Variants in SHROOM3 observed in about 807,000 individuals in gnomAD.
The protein encoded by SHROOM3 is shroom family member 3.
SHROOM3 carries 47 observed loss-of-function variants against 138.6 expected under a neutral mutation model. The observed-to-expected ratio is 0.34, with a 90% confidence interval of 0.27 to 0.43. The LOEUF (loss-of-function observed/expected upper bound fraction) is 0.43. Among genes scored for constraint, SHROOM3 ranks in the 20% least tolerant of loss-of-function variants. The pLI, the probability that SHROOM3 is intolerant of heterozygous loss-of-function variation, is 1.00. For synonymous variants in SHROOM3, 1,062 were observed against 1,063.3 expected, an observed-to-expected ratio of 1.00 and a Z score of 0.02; for missense variants, 2,491 against 2,596.5, an observed-to-expected ratio of 0.96 and a Z score of 0.88.
chr4:76,765,701 G>A (rs1043053218), intron 9 of SHROOM3, among the ~76,000 whole-genome samples: 5 of 152,032 alleles, frequency 3.3e-5, no homozygotes, highest in East Asian at 3.8e-4. Flanking sequence ...TAATATGAGC[G>A]GTGTGTCATC....
At chr4:76,502,761 T>C (rs1334066856) in intron 1 of SHROOM3, among the ~76,000 whole-genome samples, 1 of 152,274 alleles carries the variant, frequency 6.6e-6, no homozygotes, top group East Asian at 1.9e-4. Context: ...AAAAGCTTTC[T>C]GGTTTTATCT....
At chr4:76,748,874 A>G in intron 5 of SHROOM3, 143 bp from the exon 6 acceptor site, 1 of 594,416 alleles carries the variant, frequency 1.7e-6, no homozygotes, top group Non-Finnish European at 3.2e-6. Context: ...ATGCCATGGG[A>G]TTATGTAAGA....
chr4:76,599,173 G>A (rs914987008), intron 2 of SHROOM3, among the ~76,000 whole-genome samples: 2 of 152,148 alleles, frequency 1.3e-5, no homozygotes, highest in African/African-American at 4.8e-5. Flanking sequence ...CTTTGCCATA[G>A]TGTGTGCTGA....
intron 2 of SHROOM3, among the ~76,000 whole-genome samples, chr4:76,670,284 T>A (rs1220242528): frequency 6.6e-6 from 1 of 152,188 alleles, no homozygotes; most frequent in East Asian, 1.9e-4. Flanking sequence ...TATTGAAACA[T>A]GCTACAACAC....
chr4:76,591,265 C>A (rs1734268212), intron 2 of SHROOM3, among the ~76,000 whole-genome samples: 1 of 152,204 alleles, frequency 6.6e-6, no homozygotes, highest in African/African-American at 2.4e-5. Context: ...ATCTGCAAAT[C>A]TGATTCCTGC....
At position 76,555,768 on chromosome 4, in the gene SHROOM3, G is replaced by A. The variant is rs1733472210; in HGVS notation, c.323+5G>A. 1 of 1,611,586 alleles carries A rather than the reference G, an allele frequency of 6.2e-7. No homozygotes were observed. Among genetic ancestry groups the A allele is most frequent in the Non-Finnish European group, 8.5e-7 (1 of 1,179,892 alleles). On this transcript the variant is annotated splice_donor_5th_base_variant and intron_variant, in intron 2 of 10. Coordinates refer to ENST00000296043, the MANE Select transcript of SHROOM3 (RefSeq NM_020859.4). Reference sequence around the variant, plus strand: ...CCTCAGGCTGGTAGTGCGCAGGTAGGTGGCAGACCCCCACCCTGTCCCTCC... The same window carrying A: ...CCTCAGGCTGGTAGTGCGCAGGTAGATGGCAGACCCCCACCCTGTCCCTCC...
intron 2 of SHROOM3, among the ~76,000 whole-genome samples, chr4:76,633,301 C>G (rs2110074558): frequency 6.9e-6 from 1 of 144,194 alleles, no homozygotes; most frequent in Admixed American, 7.1e-5. Flanking sequence ...ACACTGCACT[C>G]CAGCCTGGGG....
intron 1 of SHROOM3, among the ~76,000 whole-genome samples, chr4:76,451,900 G>A (rs1730934188): frequency 6.6e-6 from 1 of 152,160 alleles, no homozygotes; most frequent in South Asian, 2.1e-4. Context: ...GTTATTCCCA[G>A]GCACAATAAT....
rs749513067 is a variant in SHROOM3, at chr4:76,740,880, G to A, written c.2707G>A (p.Glu903Lys). The A allele has an allele frequency of 9.1e-6, 14 of 1,535,912 alleles. No homozygotes were observed. The highest frequency in any genetic ancestry group is 1.3e-5 in the South Asian group (1 of 77,624). The change falls in exon 5 of 11, where the codon GAG becomes AAG. Residue 903 changes from glutamate (E) to lysine (K), a missense_variant. Transcript: ENST00000296043. The surrounding 1 kb of genome is among the most constrained non-coding windows in gnomAD (Gnocchi z 4.0). ...QLSSEPEREP[E>K]WRDRPGSPES... Reference sequence around the variant, plus strand: ...CTCCAGCGAGCCAGAGAGGGAGCCCGAGTGGCGGGACAGGCCCGGCTCGCC... The same window carrying A: ...CTCCAGCGAGCCAGAGAGGGAGCCCAAGTGGCGGGACAGGCCCGGCTCGCC...
At chr4:76,755,357 C>T (rs899430222) in intron 7 of SHROOM3, among the ~76,000 whole-genome samples, 165 bp downstream of exon 7, 1 of 152,124 alleles carries the variant, frequency 6.6e-6, no homozygotes. Context: ...GTAGTTGGAC[C>T]AGTGTCATTG....
chr4:76,454,547 C>T (rs953543597), intron 1 of SHROOM3, among the ~76,000 whole-genome samples: 4 of 152,206 alleles, frequency 2.6e-5, no homozygotes, highest in African/African-American at 9.6e-5. Flanking sequence ...CGTTATAACA[C>T]TGTTTTGATT....
intron 9 of SHROOM3, among the ~76,000 whole-genome samples, chr4:76,767,072 T>A (rs748114275): frequency 6.6e-6 from 1 of 152,192 alleles, no homozygotes; most frequent in African/African-American, 2.4e-5. Context: ...CTGATGTCTC[T>A]GAAAACCAAA....
intron 1 of SHROOM3, among the ~76,000 whole-genome samples, 178 bp downstream of exon 1, chr4:76,436,398 G>A (rs1490562074): frequency 1.3e-5 from 2 of 152,016 alleles, no homozygotes; most frequent in Non-Finnish European, 2.9e-5. Flanking sequence ...AATGTGTCTA[G>A]CTCATTTATT....
chr4:76,608,331 T>G (rs1734666303), intron 2 of SHROOM3, among the ~76,000 whole-genome samples: 1 of 152,132 alleles, frequency 6.6e-6, no homozygotes, highest in African/African-American at 2.4e-5. Context: ...ACTACCATTT[T>G]CCCCATTACC....
chr4:76,471,954 T>C (rs1443332276), intron 1 of SHROOM3, among the ~76,000 whole-genome samples: 1 of 152,166 alleles, frequency 6.6e-6, no homozygotes, highest in East Asian at 1.9e-4. Context: ...TGTTTGTTAG[T>C]TGTATGATCA....
intron 1 of SHROOM3, among the ~76,000 whole-genome samples, chr4:76,502,293 C>T (rs1732114160): frequency 6.6e-6 from 1 of 152,094 alleles, no homozygotes; most frequent in Non-Finnish European, 1.5e-5. Context: ...TTATAAGCAA[C>T]AGAAAATGCA....
rs745752009 is a variant in SHROOM3, at chr4:76,740,179, C to T, written c.2006C>T (p.Pro669Leu). ...KSAFSSLQNIPESLRRHSSLE... is the reference protein window; with the variant it reads ...KSAFSSLQNILESLRRHSSLE... The stretch of plus-strand genomic sequence containing the variant: ...GCCTTCTCATCTCTCCAGAACATTC[C>T]TGAGAGTCTGAGAAGACACAGCAGC... The change falls in exon 5 of 11, where the codon CCT becomes CTT. Residue 669 changes from proline (P) to leucine (L), a missense_variant. By Grantham distance (98) the Pro-to-Leu change is moderately conservative. Coordinates refer to ENST00000296043, the MANE Select transcript of SHROOM3 (RefSeq NM_020859.4). This position sits in a 1 kb window ranked among gnomAD's most constrained non-coding sequence, Gnocchi z 4.0. 5.6e-6 allele frequency: 9 copies of T among 1,613,900 alleles called. No homozygotes were observed. The highest frequency in any genetic ancestry group is 7.6e-6 in the Non-Finnish European group (9 of 1,180,030).
chr4:76,500,520 G>A (rs1181970644), intron 1 of SHROOM3, among the ~76,000 whole-genome samples: 1 of 152,074 alleles, frequency 6.6e-6, no homozygotes, highest in African/African-American at 2.4e-5. Flanking sequence ...CAGCTTTAGT[G>A]GATACTACCA....
rs1421427171 is a variant in SHROOM3 at position 76,756,866 on chromosome 4, G to A, written c.5127G>A (p.Leu1709=). 8 of 1,614,030 alleles carry A rather than the reference G, an allele frequency of 5.0e-6. No individual in the cohort carries two copies. Among genetic ancestry groups the A allele is most frequent in the Non-Finnish European group, 6.8e-6 (8 of 1,180,044 alleles). Residue 1709 remains leucine (L), a synonymous_variant, in exon 8 of 11, where the codon TTG becomes TTA. Transcript: ENST00000296043. ...MEGLFPRDVN[L]LKENSVKRKA... The stretch of plus-strand genomic sequence containing the variant: ...GTTTGTTTCCCCGAGATGTGAACTT[G>A]CTGAAGGAAAACAGTGTAAAGAGGA...
Sources: gnomAD v4.1 joint callset for allele counts (sites outside exome capture counted in the v4.1 genomes callset) on GRCh38, gnomAD v4.1.1 for gene constraint, Gnocchi (gnomAD v3.1) non-coding constraint, MANE v1.5 for transcripts, NCBI Gene and HGNC (gene_info 2026-07-23, HGNC 2026-07-21) for gene names.